Variants in RBM8A observed in about 807,000 individuals in gnomAD.
RBM8A encodes RNA-binding protein 8A.
In RBM8A, 8 loss-of-function variants were observed where a neutral mutation model predicts 25.1. The ratio of observed to expected loss-of-function variants is 0.32; its 90% CI spans 0.19 to 0.58. The LOEUF (loss-of-function observed/expected upper bound fraction) is 0.58. Among genes scored for constraint, RBM8A ranks in the 20% least tolerant of loss-of-function variants. RBM8A has a pLI of 0.88. For missense variants in RBM8A, 114 were observed against 236.8 expected (o/e 0.48, Z 3.40); for synonymous variants, 66 against 80.0 (o/e 0.82, Z 0.94).
At position 145,923,767 on chromosome 1, in the gene RBM8A, G is replaced by A; in HGVS notation, c.*2115C>T. On this transcript the variant is annotated 3_prime_UTR_variant, in exon 6 of 6. Transcript: ENST00000583313. ...TCCCTGCAAAATGGCCTGGAATTTT[G>A]GCAGCACCCATTTTACACAATATTT... The A allele has an allele frequency of 3.9e-6, 2 of 510,878 alleles. No individual in the cohort carries two copies. Among genetic ancestry groups the A allele is most frequent in the Non-Finnish European group, 6.9e-6 (2 of 290,380 alleles). The allele number at this position is 510,878 out of a possible 1,614,324, so 31.6% of individuals were successfully genotyped here.
In RBM8A at chr1:145,923,926, C is replaced by T. The variant is rs1426927308; in HGVS notation, c.*1956G>A. ...GAGAAAGCAGGATTGTTTTAAGTTC[C>T]AAGATTTAACAAACTTACTGTTCAG... On this transcript the variant is annotated 3_prime_UTR_variant, in exon 6 of 6. Transcript: ENST00000583313. 3.7e-5 allele frequency: 22 copies of T among 593,026 alleles called. No homozygotes were observed. The African/African-American group carries it at 3.7e-4, about 10-fold the overall frequency. 36.7% of individuals were successfully genotyped at this position (593,026 alleles called of 1,614,324 possible).
rs1553755840 is a variant in RBM8A, at chr1:145,926,178, C to T, written c.343-1G>A. The T allele has an allele frequency of 1.2e-6, 2 of 1,613,074 alleles. No homozygotes were observed. On this transcript the variant is annotated splice_acceptor_variant, in intron 4 of 5. Coordinates refer to ENST00000583313, the MANE Select transcript of RBM8A (RefSeq NM_005105.5). LOFTEE classifies it high-confidence loss of function. ...TTTCATATTCAACTAGAGTATACCC[C>T]TGGGGAAAGTGAAAAGACAGATATG...
In RBM8A at chr1:145,924,842, G is replaced by A. The variant is rs1195320701; in HGVS notation, c.*1040C>T. On this transcript the variant is annotated 3_prime_UTR_variant, in exon 6 of 6. Coordinates refer to ENST00000583313, the MANE Select transcript of RBM8A (RefSeq NM_005105.5). ...CCTGCTGGTGAATTTGCCCTCCCCC[G>A]CTCCTTTGACAATTGTCCCCGTGTT... 2.1e-5 allele frequency: 7 copies of A among 331,896 alleles called. No homozygotes were observed. Among genetic ancestry groups the A allele is most frequent in the East Asian group, 8.0e-5 (1 of 12,468 alleles). The allele number at this position is 331,896 out of a possible 1,614,324, so 20.6% of individuals were successfully genotyped here. A position where few individuals can be genotyped will look rare whatever the true frequency, so the allele number is the denominator to read the frequency against.
At chr1:145,926,279 T>G in intron 4 of RBM8A, 102 bp from the exon 5 acceptor site, 1 of 1,513,988 alleles carries the variant, frequency 6.6e-7, no homozygotes, top group Non-Finnish European at 9.1e-7. Flanking sequence ...CTACACACTT[T>G]AAACAATGAA....
At position 145,924,846 on chromosome 1, in the gene RBM8A, C is replaced by G. The variant is rs1479765803; in HGVS notation, c.*1036G>C. 3.0e-6 allele frequency: 1 copy of G among 334,808 alleles called. No homozygotes were observed. The highest frequency in any genetic ancestry group is 2.6e-5 in the African/African-American group (1 of 38,614). 20.7% of individuals were successfully genotyped at this position (334,808 alleles called of 1,614,324 possible). On this transcript the variant is annotated 3_prime_UTR_variant, in exon 6 of 6. Transcript: ENST00000583313. ...CTGGTGAATTTGCCCTCCCCCGCTC[C>G]TTTGACAATTGTCCCCGTGTTCGTC...
intron 2 of RBM8A, 40 bp from the exon 3 acceptor site, chr1:145,926,926 T>C (rs1559231927): frequency 1.2e-6 from 2 of 1,613,960 alleles, no homozygotes; most frequent in Admixed American, 3.3e-5. Flanking sequence ...AACTCCTCCT[T>C]TCTCCCATTG....
At position 145,926,478 on chromosome 1, in the gene RBM8A, A is replaced by T. The variant is rs781863852; in HGVS notation, c.342+4T>A. 6.2e-7 allele frequency: 1 copy of T among 1,613,894 alleles called. No individual in the cohort carries two copies. Among genetic ancestry groups the T allele is most frequent in the Non-Finnish European group, 8.5e-7 (1 of 1,179,914 alleles). Reference sequence around the variant, plus strand: ...AGGAGGCAATAAAGTGTCACTTAGGATACCTTCAGATATCCTGTTCGCCTG... The same window carrying T: ...AGGAGGCAATAAAGTGTCACTTAGGTTACCTTCAGATATCCTGTTCGCCTG... On this transcript the variant is annotated splice_donor_region_variant and intron_variant, in intron 4 of 5. Transcript: ENST00000583313.
intron 1 of RBM8A, 103 bp from the exon 2 acceptor site, chr1:145,927,180 G>A: frequency 6.6e-7 from 1 of 1,506,426 alleles, no homozygotes. Flanking sequence ...ACCGCCTCCA[G>A]TCTTAGTGCC....
intron 4 of RBM8A, 133 bp downstream of exon 4, chr1:145,926,349 G>A: frequency 6.8e-7 from 1 of 1,468,824 alleles, no homozygotes; most frequent in African/African-American, 1.4e-5. Context: ...TCTTTGGCGT[G>A]TCTGACAAAA....
intron 4 of RBM8A, 69 bp from the exon 5 acceptor site, chr1:145,926,246 C>T: frequency 1.3e-6 from 2 of 1,582,926 alleles, no homozygotes; most frequent in Admixed American, 1.7e-5. Flanking sequence ...TATCTTTTTC[C>T]TCAAATCTAA....
chr1:145,921,885 C>T lies in RBM8A; in HGVS notation c.*3997G>A, dbSNP rs1647802179. 1 of 152,148 alleles carries T rather than the reference C, an allele frequency of 6.6e-6. No individual in the cohort carries two copies. The highest frequency in any genetic ancestry group is 1.5e-5 in the Non-Finnish European group (1 of 68,044). The allele number at this position is 152,148 out of a possible 1,614,324, so 9.4% of individuals were successfully genotyped here. A position where few individuals can be genotyped will look rare whatever the true frequency, so the allele number is the denominator to read the frequency against. ...TTAAGATTTGATCCTTACTTACATC[C>T]TCAATTATTAGAAATATAACTACTA... On this transcript the variant is annotated 3_prime_UTR_variant, in exon 6 of 6. Transcript: ENST00000583313.
rs587774799 is a variant in RBM8A, at chr1:145,923,624, C to T, written c.*2258G>A. Reference sequence around the variant, plus strand: ...TCAGTTGGAAAACCCAGCAATTTAACAAAAAGGGGGAGGGGCAGCCCAATA... The same window carrying T: ...TCAGTTGGAAAACCCAGCAATTTAATAAAAAGGGGGAGGGGCAGCCCAATA... On this transcript the variant is annotated 3_prime_UTR_variant, in exon 6 of 6. Transcript: ENST00000583313. 3.2e-6 allele frequency: 1 copy of T among 313,602 alleles called. No homozygotes were observed. The highest frequency in any genetic ancestry group is 5.8e-6 in the Non-Finnish European group (1 of 171,476). The allele number at this position is 313,602 out of a possible 1,614,324, so 19.4% of individuals were successfully genotyped here.
chr1:145,926,509 G>A lies in RBM8A; in HGVS notation c.315C>T (p.Asn105=). 2 of 1,614,150 alleles carry A rather than the reference G, an allele frequency of 1.2e-6. No homozygotes were observed. The highest frequency in any genetic ancestry group is 1.7e-6 in the Non-Finnish European group (2 of 1,180,026). Residue 105 remains asparagine, a synonymous_variant, in exon 4 of 6, where the codon AAC becomes AAT. Coordinates refer to ENST00000583313, the MANE Select transcript of RBM8A (RefSeq NM_005105.5). ...EYGEIKNIHL[N]LDRRTGYLKG... ...TCAGATATCCTGTTCGCCTGTCGAG[G>A]TTGAGATGAATGTTTTTAATTTCCC...
chr1:145,922,524 T>C lies in RBM8A; in HGVS notation c.*3358A>G, dbSNP rs782359361. On this transcript the variant is annotated 3_prime_UTR_variant, in exon 6 of 6. Coordinates refer to ENST00000583313, the MANE Select transcript of RBM8A (RefSeq NM_005105.5). ...GCAATGGGAAATGAATTTCATCCTT[T>C]CTTACAGCCTGACAATCTGACAATA... 6 of 152,388 alleles carry C rather than the reference T, an allele frequency of 3.9e-5. No individual in the cohort carries two copies. Among genetic ancestry groups the C allele is most frequent in the African/African-American group, 1.2e-4 (5 of 41,590 alleles). The allele number at this position is 152,388 out of a possible 1,614,324, so 9.4% of individuals were successfully genotyped here. A position where few individuals can be genotyped will look rare whatever the true frequency, so the allele number is the denominator to read the frequency against.
chr1:145,926,609 C>A lies in RBM8A; in HGVS notation c.215G>T (p.Gly72Val). 4 of 1,614,052 alleles carry A rather than the reference C, an allele frequency of 2.5e-6. No homozygotes were observed. The highest frequency in any genetic ancestry group is 3.4e-6 in the Non-Finnish European group (4 of 1,180,006). ...GACTCCAGTTACAAAGAGAATCCAG[C>A]CTTCAACAGCTGTTGGGGGACGGGG... ...DEPGPQRSVE[G>V]WILFVTGVHE... The change falls in exon 4 of 6, where the codon GGC becomes GTC. Residue 72 changes from glycine (G) to valine (V), a missense_variant. Around this residue, in one of 2 missense-constraint regions of RBM8A, gnomAD observed 102 missense variants for 182.7 expected, o/e 0.56. Transcript: ENST00000583313.
rs782588208 is a variant in RBM8A, at chr1:145,926,801, T to C, written c.205+8A>G. ...CACGGATACCTCACAGGTTCCATTA[T>C]TACTCACAGCGTTGTGGTCCGGGTT... On this transcript the variant is annotated splice_region_variant and intron_variant, in intron 3 of 5. Transcript: ENST00000583313. 3.1e-6 allele frequency: 5 copies of C among 1,614,208 alleles called. No homozygotes were observed. Among genetic ancestry groups the C allele is most frequent in the Admixed American group, 1.7e-5 (1 of 60,026 alleles).
chr1:145,924,449 C>T lies in RBM8A; in HGVS notation c.*1433G>A. On this transcript the variant is annotated 3_prime_UTR_variant, in exon 6 of 6. Coordinates refer to ENST00000583313, the MANE Select transcript of RBM8A (RefSeq NM_005105.5). ...ATTTATTTATCTACCTACCTAATAG[C>T]TATCTACCAGTCACTAAACCATGGT... 1 of 439,336 alleles carries T rather than the reference C, an allele frequency of 2.3e-6. No individual in the cohort carries two copies. Among genetic ancestry groups the T allele is most frequent in the Non-Finnish European group, 4.8e-6 (1 of 207,822 alleles). The allele number at this position is 439,336 out of a possible 1,614,324, so 27.2% of individuals were successfully genotyped here.
In RBM8A at chr1:145,924,204, AGT is replaced by A; in HGVS notation, c.*1676_*1677del. ...TGAGCTGGCCCAGTCCCTTTCACTCAGTGTGTCACCAAAGGCAGCTTCAAGGC... is the reference window on the plus strand; with the variant it reads ...TGAGCTGGCCCAGTCCCTTTCACTCAGTGTCACCAAAGGCAGCTTCAAGGC... On this transcript the variant is annotated 3_prime_UTR_variant, in exon 6 of 6. Transcript: ENST00000583313. The A allele has an allele frequency of 4.4e-6, 3 of 682,852 alleles. No homozygotes were observed. The highest frequency in any genetic ancestry group is 8.3e-6 in the Non-Finnish European group (3 of 363,120). The allele number at this position is 682,852 out of a possible 1,614,324, so 42.3% of individuals were successfully genotyped here. A position where few individuals can be genotyped will look rare whatever the true frequency, so the allele number is the denominator to read the frequency against.
chr1:145,926,329 C>G (rs1553755888), intron 4 of RBM8A, 152 bp from the exon 5 acceptor site: 2 of 1,435,516 alleles, frequency 1.4e-6, no homozygotes, highest in East Asian at 2.3e-5. Flanking sequence ...ACATCATCTC[C>G]GTTTCTGTCT....
Sources: gnomAD v4.1 joint callset for allele counts on GRCh38, gnomAD v4.1.1 for gene constraint, gnomAD v4.1.1 regional missense constraint, MANE v1.5 for transcripts, NCBI Gene and HGNC (gene_info 2026-07-23, HGNC 2026-07-21) for gene names.